Variants in LAMC1 observed in about 807,000 individuals in gnomAD.
LAMC1 encodes laminin subunit gamma 1.
A neutral mutation model predicts 173.6 loss-of-function variants in LAMC1; 38 were observed. That is an observed-to-expected ratio of 0.22 (90% CI 0.17 to 0.29). The LOEUF (loss-of-function observed/expected upper bound fraction) is 0.29. Among genes scored for constraint, LAMC1 ranks in the 10% least tolerant of loss-of-function variants. LAMC1 has a pLI of 1.00. For synonymous variants in LAMC1, 746 were observed against 749.1 expected (o/e 1.00, Z 0.07); for missense variants, 1,824 against 2,051.8 (o/e 0.89, Z 2.14).
rs1175392272 is a variant in LAMC1, at chr1:183,077,904, C to A, written c.419-25424C>A. 8.6e-5 allele frequency among the ~76,000 whole-genome samples: 13 copies of A among 151,474 alleles called. No homozygotes were observed. The South Asian group carries it at 2.7e-3, about 32-fold the overall frequency. On this transcript the variant is annotated intron_variant, in intron 1 of 27. Coordinates refer to ENST00000258341, the MANE Select transcript of LAMC1 (RefSeq NM_002293.4). ...TTATAAAACTGATGACTAGCTCTTACCAGTTTTCTCTCTCATGTGTTTGGG... is the reference window on the plus strand; with the variant it reads ...TTATAAAACTGATGACTAGCTCTTAACAGTTTTCTCTCTCATGTGTTTGGG...
intron 1 of LAMC1, among the ~76,000 whole-genome samples, chr1:183,098,090 C>T (rs757091114): frequency 2.0e-5 from 3 of 152,104 alleles, no homozygotes; most frequent in African/African-American, 4.8e-5. Context: ...CACTTGCTCC[C>T]GCAGCATGTT....
chr1:183,067,319 A>AT (rs1412450137), intron 1 of LAMC1, among the ~76,000 whole-genome samples: 1 of 152,070 alleles, frequency 6.6e-6, no homozygotes, highest in African/African-American at 2.4e-5. Flanking sequence ...TTGTCATTGC[A>AT]TTTTTAAAGC....
At chr1:183,083,480 T>C (rs1266110365) in intron 1 of LAMC1, among the ~76,000 whole-genome samples, 1 of 152,248 alleles carries the variant, frequency 6.6e-6, no homozygotes, top group Admixed American at 6.5e-5. Flanking sequence ...GTATAGGTAC[T>C]GCTCAGTTAA....
At chr1:183,040,191 C>A (rs1229378814) in intron 1 of LAMC1, among the ~76,000 whole-genome samples, 3 of 152,332 alleles carry the variant, frequency 2.0e-5, no homozygotes. Context: ...GCCTGGATCC[C>A]TGCTGTCTTT....
rs925763414 is a variant in LAMC1 at position 183,136,509 on chromosome 1, G to A, written c.4238G>A (p.Gly1413Asp). 1.9e-6 allele frequency: 3 copies of A among 1,614,040 alleles called. No individual in the cohort carries two copies. Among genetic ancestry groups the A allele is most frequent in the African/African-American group, 1.3e-5 (1 of 74,938 alleles). The part of the protein sequence containing the change: ...EKTREAQQAL[G>D]SAAADATEAK... ...ACCAGAGAAGCCCAGCAGGCCCTGG[G>A]CAGTGCTGCGGCGGATGCCACAGAG... The change falls in exon 25 of 28, where the codon GGC (glycine) becomes GAC (aspartate). Residue 1413 changes from glycine to aspartate, a missense_variant. Physicochemically the swap from Gly to Asp is moderately conservative, Grantham distance 94 (BLOSUM62 -1). Coordinates refer to ENST00000258341, the MANE Select transcript of LAMC1 (RefSeq NM_002293.4).
chr1:183,143,553 T>G lies in LAMC1; in HGVS notation c.*763T>G, dbSNP rs1455646912. ...TGGATGGGCAGCTTGCACTCACCAATAGACCAAAAGACATCTTTTGATATT... is the reference window on the plus strand; with the variant it reads ...TGGATGGGCAGCTTGCACTCACCAAGAGACCAAAAGACATCTTTTGATATT... On this transcript the variant is annotated 3_prime_UTR_variant, in exon 28 of 28. Transcript: ENST00000258341. 1.3e-5 allele frequency: 2 copies of G among 152,614 alleles called. No homozygotes were observed. The highest frequency in any genetic ancestry group is 4.8e-5 in the African/African-American group (2 of 41,462). 9.5% of individuals were successfully genotyped at this position (152,614 alleles called of 1,614,324 possible). A position where few individuals can be genotyped will look rare whatever the true frequency, so the allele number is the denominator to read the frequency against.
chr1:183,051,908 G>A (rs1470379064), intron 1 of LAMC1, among the ~76,000 whole-genome samples: 2 of 152,176 alleles, frequency 1.3e-5, no homozygotes, highest in Non-Finnish European at 2.9e-5. Context: ...GGGAAGACAG[G>A]TGCAGGGATC....
chr1:183,078,398 G>A (rs1423258622), intron 1 of LAMC1, among the ~76,000 whole-genome samples: 1 of 151,688 alleles, frequency 6.6e-6, no homozygotes, highest in Non-Finnish European at 1.5e-5. Context: ...TGGCTAACAC[G>A]GTGAAACCTC....
chr1:183,120,542 A>G (rs1416615269), intron 11 of LAMC1, among the ~76,000 whole-genome samples: 2 of 152,238 alleles, frequency 1.3e-5, no homozygotes, highest in African/African-American at 4.8e-5. Flanking sequence ...GTGCTATTTC[A>G]TAACATGAAA....
chr1:183,114,945 G>C (rs1211443580), intron 5 of LAMC1, among the ~76,000 whole-genome samples: 1 of 152,200 alleles, frequency 6.6e-6, no homozygotes, highest in African/African-American at 2.4e-5. Context: ...GGTGGCCTGA[G>C]TAATGGTTCT....
At chr1:183,119,755 A>G (rs1169429619) in intron 11 of LAMC1, among the ~76,000 whole-genome samples, 1 of 152,168 alleles carries the variant, frequency 6.6e-6, no homozygotes, top group Non-Finnish European at 1.5e-5. Context: ...AAATAAATAA[A>G]TAAGAGCCAA....
chr1:183,127,471 A>T, intron 17 of LAMC1, 67 bp downstream of exon 17: 1 of 1,427,570 alleles, frequency 7.0e-7, no homozygotes, highest in Non-Finnish European at 9.8e-7. Context: ...ACTGTGCACT[A>T]ATCTCTATAG....
At position 183,126,135 on chromosome 1, in the gene LAMC1, C is replaced by T. The variant is rs527592186; in HGVS notation, c.2817C>T (p.Ala939=). ...GQGCERCDCH[A]LGSTNGQCDI... ...TCATTTTCAGGTGTGACTGCCATGCCTTGGGCTCCACCAATGGGCAGTGTG... is the reference window on the plus strand; with the variant it reads ...TCATTTTCAGGTGTGACTGCCATGCTTTGGGCTCCACCAATGGGCAGTGTG... The change falls in exon 16 of 28, where the codon GCC becomes GCT. Residue 939 remains alanine, a synonymous_variant. Coordinates refer to ENST00000258341, the MANE Select transcript of LAMC1 (RefSeq NM_002293.4). The T allele has an allele frequency of 3.9e-5, 63 of 1,614,008 alleles. No individual in the cohort carries two copies. The highest frequency in any genetic ancestry group is 3.5e-4 in the Admixed American group (21 of 59,996).
intron 1 of LAMC1, among the ~76,000 whole-genome samples, chr1:183,034,241 C>G (rs1374823869): frequency 1.3e-5 from 2 of 152,096 alleles, no homozygotes. Flanking sequence ...TGAGATCAGA[C>G]AAAAACATTG....
At chr1:183,140,351 AAAG>A in intron 26 of LAMC1, 50 bp from the exon 27 acceptor site, 4 of 1,101,230 alleles carry the variant, frequency 3.6e-6, no homozygotes, top group Non-Finnish European at 5.2e-6. Flanking sequence ...AAAAAGATTT[AAAG>A]AAGATGAAAA....
chr1:183,042,002 A>G (rs1366745558), intron 1 of LAMC1, among the ~76,000 whole-genome samples: 2 of 152,216 alleles, frequency 1.3e-5, no homozygotes, highest in Non-Finnish European at 2.9e-5. Flanking sequence ...TGGCTAGTAC[A>G]TGGTATAGTT....
At chr1:183,138,343 A>G in intron 26 of LAMC1, 3 of 259,546 alleles carry the variant, frequency 1.2e-5, no homozygotes, top group Non-Finnish European at 1.8e-5. Context: ...AACAAAATTG[A>G]CTTGTCAATG....
chr1:183,126,340 C>G, intron 16 of LAMC1, 78 bp downstream of exon 16: 1 of 1,502,784 alleles, frequency 6.7e-7, no homozygotes. Context: ...AGGACTTTGA[C>G]AGCCTCAGTC....
In LAMC1 at chr1:183,108,269, C is replaced by T. The variant is rs1229957630; in HGVS notation, c.724-7C>T. The T allele has an allele frequency of 6.2e-7, 1 of 1,611,470 alleles. No individual in the cohort carries two copies. The highest frequency in any genetic ancestry group is 1.3e-5 in the African/African-American group (1 of 74,904). On this transcript the variant is annotated splice_polypyrimidine_tract_variant and splice_region_variant and intron_variant, in intron 2 of 27. Coordinates refer to ENST00000258341, the MANE Select transcript of LAMC1 (RefSeq NM_002293.4). ...TCTTTTATGTTTCTATTTTTGCTTC[C>T]TGACAGGAATGGGTAACTGCCACTG...
Sources: allele counts gnomAD v4.1 joint callset (sites outside exome capture counted in the v4.1 genomes callset), GRCh38; gene constraint gnomAD v4.1.1; transcripts MANE v1.5; gene names NCBI Gene and HGNC (gene_info 2026-07-23, HGNC 2026-07-21).